The following ARMH4 variants were observed in gnomAD, a reference collection of about 807,000 sequenced individuals.
The protein encoded by ARMH4 is armadillo-like helical domain-containing protein 4.
A neutral mutation model predicts 61.9 loss-of-function variants in ARMH4; 49 were observed. That is an observed-to-expected ratio of 0.79 (90% CI 0.63 to 1.00). ARMH4 has a LOEUF of 1.00. Among genes scored for constraint, ARMH4 ranks in the 50% least tolerant of loss-of-function variants. The pLI is 0.00. For missense variants in ARMH4, 934 were observed against 930.0 expected, an observed-to-expected ratio of 1.00 and a Z score of -0.06; for synonymous variants, 368 against 341.5, an observed-to-expected ratio of 1.08 and a Z score of -0.85.
intron 4 of ARMH4, among the ~76,000 whole-genome samples, chr14:58,127,693 TC>T (rs377739377): frequency 1.6e-4 from 24 of 152,290 alleles, no homozygotes; most frequent in Middle Eastern, 3.4e-3. Context: ...ATTGCTTTTT[TC>T]TTGCAGAAGA....
chr14:58,078,830 G>A (rs759542789), intron 5 of ARMH4, among the ~76,000 whole-genome samples: 15 of 152,214 alleles, frequency 9.9e-5, no homozygotes, highest in Non-Finnish European at 2.1e-4. Context: ...GCTGACCCCT[G>A]GCCTAAGCCA....
intron 5 of ARMH4, among the ~76,000 whole-genome samples, chr14:58,071,930 T>C (rs1884894973): frequency 6.6e-6 from 1 of 152,246 alleles, no homozygotes; most frequent in Non-Finnish European, 1.5e-5. Context: ...AGATGCTGTC[T>C]TTCTAATTTG....
chr14:58,058,393 C>G (rs1345810876), intron 5 of ARMH4, among the ~76,000 whole-genome samples: 1 of 152,082 alleles, frequency 6.6e-6, no homozygotes, highest in Non-Finnish European at 1.5e-5. Context: ...AATGGCAACT[C>G]CATAGGCAGA....
At chr14:58,040,341 T>C (rs1015872973) in intron 5 of ARMH4, among the ~76,000 whole-genome samples, 10 of 152,012 alleles carry the variant, frequency 6.6e-5, no homozygotes, top group Non-Finnish European at 1.5e-4. Flanking sequence ...CAGGCCCCAG[T>C]GTCTGTTGTT....
intron 5 of ARMH4, among the ~76,000 whole-genome samples, chr14:58,081,757 C>T (rs1008805566): frequency 2.1e-4 from 32 of 152,060 alleles, no homozygotes; most frequent in African/African-American, 7.7e-4. Context: ...CCGCCCGCCT[C>T]GGTCTCCCAA....
intron 2 of ARMH4, 32 bp downstream of exon 2, chr14:58,137,958 C>G (rs1338477948): frequency 6.4e-7 from 1 of 1,563,850 alleles, no homozygotes; most frequent in Non-Finnish European, 8.6e-7. Context: ...CCAAATTAAA[C>G]CAAAGTTTGT....
intron 5 of ARMH4, among the ~76,000 whole-genome samples, chr14:58,067,599 A>C (rs1353889953): frequency 6.6e-6 from 1 of 152,236 alleles, no homozygotes; most frequent in African/African-American, 2.4e-5. Context: ...GTCTGCTCCA[A>C]AAAAGAGTTC....
At chr14:58,030,306 G>A (rs1329408065) in intron 5 of ARMH4, among the ~76,000 whole-genome samples, 1 of 152,162 alleles carries the variant, frequency 6.6e-6, no homozygotes, top group East Asian at 1.9e-4. Flanking sequence ...AGCCAGCCTA[G>A]ATGGCCAGAA....
At chr14:58,147,334 G>C (rs930816073) in intron 1 of ARMH4, among the ~76,000 whole-genome samples, 6 of 74,622 alleles carry the variant, frequency 8.0e-5, no homozygotes, top group Admixed American at 1.5e-4. Context: ...TTTTTTTTTT[G>C]ATAGGAAGTC....
chr14:58,105,909 A>G (rs768048027), intron 4 of ARMH4, among the ~76,000 whole-genome samples: 7 of 152,164 alleles, frequency 4.6e-5, no homozygotes, highest in Non-Finnish European at 7.4e-5. Context: ...TGGAAAGTTC[A>G]TCCTCATAAC....
Position 58,120,102 on chromosome 14 carries a change from C to T in ARMH4, c.1831+11410G>A, listed in dbSNP as rs201216672. On this transcript the variant is annotated intron_variant, in intron 4 of 7. Transcript: ENST00000267485. ...GGTGTAGACCTACTACACATGTAGG[C>T]TATAAGGTATAGCCTATTGCTCCTA... Among the ~76,000 whole-genome samples the T allele has an allele frequency of 3.3e-5, 5 of 152,136 alleles. No homozygotes were observed. In the East Asian group the frequency reaches 9.6e-4, roughly 29 times the overall value.
At chr14:58,022,834 C>T (rs956611344) in intron 5 of ARMH4, among the ~76,000 whole-genome samples, 1 of 152,216 alleles carries the variant, frequency 6.6e-6, no homozygotes, top group African/African-American at 2.4e-5. Context: ...ATTGTAGGTT[C>T]AGTCCCAGAC....
chr14:58,049,008 A>C (rs769045186), intron 5 of ARMH4, among the ~76,000 whole-genome samples: 5 of 151,956 alleles, frequency 3.3e-5, no homozygotes, highest in Non-Finnish European at 7.4e-5. Context: ...GAGGCCAAGG[A>C]GGGCGGATCA....
intron 4 of ARMH4, among the ~76,000 whole-genome samples, chr14:58,104,415 A>G (rs965144422): frequency 2.6e-5 from 4 of 152,232 alleles, no homozygotes; most frequent in African/African-American, 4.8e-5. Context: ...AGCTAGCCTG[A>G]GAAGACAGTC....
At chr14:58,025,083 T>C (rs1882978988) in intron 5 of ARMH4, among the ~76,000 whole-genome samples, 1 of 152,106 alleles carries the variant, frequency 6.6e-6, no homozygotes, top group Admixed American at 6.6e-5. Context: ...AACAGACTGG[T>C]TGAGTGCAGG....
chr14:58,019,196 T>C (rs1441753135), intron 5 of ARMH4, among the ~76,000 whole-genome samples: 2 of 152,174 alleles, frequency 1.3e-5, no homozygotes, highest in South Asian at 2.1e-4. Flanking sequence ...CACATAACTA[T>C]TGTTAATCGC....
At chr14:58,018,331 A>C (rs1419878240) in intron 5 of ARMH4, among the ~76,000 whole-genome samples, 1 of 152,142 alleles carries the variant, frequency 6.6e-6, no homozygotes, top group African/African-American at 2.4e-5. Flanking sequence ...ACAGAGTGAA[A>C]AGACAAGCTG....
At chr14:58,052,558 T>C (rs974435848) in intron 5 of ARMH4, among the ~76,000 whole-genome samples, 1 of 152,182 alleles carries the variant, frequency 6.6e-6, no homozygotes, top group African/African-American at 2.4e-5. Flanking sequence ...GTCCTTTCCA[T>C]TGGCTTCTGT....
Position 58,138,920 on chromosome 14 carries a change from T to C in ARMH4, c.439A>G (p.Ile147Val), listed in dbSNP as rs760370193. The change falls in exon 2 of 8, where the codon ATT becomes GTT. Residue 147 changes from isoleucine (I) to valine (V), a missense_variant. Coordinates refer to ENST00000267485, the MANE Select transcript of ARMH4 (RefSeq NM_001001872.4). ...ESGLAKAMLT[I>V]AITATPSLTV... ...AGAGAAGGAGTCGCAGTGATAGCAA[T>C]GGTTAACATGGCCTTGGCAAGTCCA... 1 of 1,614,194 alleles carries C rather than the reference T, an allele frequency of 6.2e-7. No homozygotes were observed. Among genetic ancestry groups the C allele is most frequent in the Non-Finnish European group, 8.5e-7 (1 of 1,180,036 alleles).
Sources: gnomAD v4.1 joint callset for allele counts (sites outside exome capture counted in the v4.1 genomes callset) on GRCh38, gnomAD v4.1.1 for gene constraint, MANE v1.5 for transcripts, NCBI Gene and HGNC (gene_info 2026-07-23, HGNC 2026-07-21) for gene names.